Variants in DNASE1 observed in about 807,000 individuals in gnomAD.
The protein encoded by DNASE1 is deoxyribonuclease-1.
In DNASE1, 40 loss-of-function variants were observed where a neutral mutation model predicts 33.9. The observed-to-expected ratio is 1.18, with a 90% CI of 0.92 to 1.54. The LOEUF (loss-of-function observed/expected upper bound fraction) is 1.54. Among genes scored for constraint, DNASE1 ranks in the 40% most tolerant of loss-of-function variants. The probability of loss-of-function intolerance (pLI) is 0.00; values close to 1 mark genes in which losing one functional copy is unlikely to be tolerated. For missense variants in DNASE1, 518 were observed against 372.6 expected (o/e 1.39, Z -3.21); for synonymous variants, 216 against 160.0 (o/e 1.35, Z -2.64).
At chr16:3,663,297 G>C (rs2050731082) in exon 10 of DNASE1, 1 of 1,276,396 alleles carries the variant, frequency 7.8e-7, no homozygotes, top group African/African-American at 1.5e-5. Flanking sequence ...CTCCCACAAG[G>C]CTCTTCTCGG....
chr16:3,626,541 G>A (rs1343391192), intron 1 of DNASE1, among the ~76,000 whole-genome samples: 1 of 152,078 alleles, frequency 6.6e-6, no homozygotes, highest in Non-Finnish European at 1.5e-5. Flanking sequence ...GACTTTTATG[G>A]CTTAGAATAT....
chr16:3,650,613 A>AAAAGAAG (rs2042303831), upstream of DNASE1: 1 of 149,216 alleles, frequency 6.7e-6, no homozygotes, highest in Non-Finnish European at 1.5e-5. Context: ...CAAAAAAAAA[A>AAAAGAAG]AAAAAAAGAA....
intron 1 of DNASE1, among the ~76,000 whole-genome samples, chr16:3,628,076 G>A (rs531482393): frequency 1.2e-3 from 185 of 151,970 alleles, no homozygotes; most frequent in Middle Eastern, 6.8e-3. Flanking sequence ...ACCCATGAAA[G>A]TGTGATGTTT....
intron 1 of DNASE1, among the ~76,000 whole-genome samples, chr16:3,643,485 C>T (rs1210436060): frequency 6.6e-6 from 1 of 152,216 alleles, no homozygotes; most frequent in Non-Finnish European, 1.5e-5. Context: ...CCAAAGACTG[C>T]AGAGGAGCTT....
chr16:3,625,358 C>T (rs1243532876), intron 1 of DNASE1, among the ~76,000 whole-genome samples: 3 of 151,460 alleles, frequency 2.0e-5, no homozygotes, highest in African/African-American at 7.3e-5. Context: ...ATGTTATATT[C>T]TTGTAGTCTC....
chr16:3,660,341 A>T (rs1012780302), downstream of DNASE1: 2 of 152,254 alleles, frequency 1.3e-5, no homozygotes, highest in African/African-American at 4.8e-5. Flanking sequence ...TTTAAAACAA[A>T]TGAAAGTGAA....
chr16:3,621,400 A>G (rs576853440), intron 1 of DNASE1, among the ~76,000 whole-genome samples: 15 of 152,324 alleles, frequency 9.8e-5, no homozygotes, highest in African/African-American at 3.6e-4. Flanking sequence ...GTTTTAGAAA[A>G]GAATACCTGT....
downstream of DNASE1, chr16:3,662,265 G>A (rs374186940): frequency 1.3e-4 from 142 of 1,074,404 alleles, no homozygotes; most frequent in Non-Finnish European, 1.6e-4. Context: ...CTGGACCAGC[G>A]CTGCTCCCTC....
Position 3,622,739 on chromosome 16 carries a change from A to G in DNASE1, c.-1359+10733A>G, listed in dbSNP as rs562562031. Among the ~76,000 whole-genome samples the G allele has an allele frequency of 1.7e-3, 262 of 152,260 alleles. 2 individuals are homozygous for G. Among genetic ancestry groups the G allele is most frequent in the African/African-American group, 6.1e-3 (252 of 41,532 alleles). On this transcript the variant is annotated intron_variant and NMD_transcript_variant, in intron 1 of 11. Coordinates refer to the DNASE1 transcript ENST00000570769. ...GTAGCTGGGACTACACCTATGTGCT[A>G]CTGTACCTGGCTTGGCTTTGACTTT...
At chr16:3,637,574 A>C (rs887616965) in intron 1 of DNASE1, among the ~76,000 whole-genome samples, 1 of 152,160 alleles carries the variant, frequency 6.6e-6, no homozygotes, top group Admixed American at 6.5e-5. Context: ...AGTTGGGTCA[A>C]CCTTTCCCTT....
chr16:3,614,671 G>C (rs1345569142), intron 1 of DNASE1, among the ~76,000 whole-genome samples: 5 of 152,202 alleles, frequency 3.3e-5, no homozygotes, highest in African/African-American at 1.2e-4. Context: ...TGACTTGCCT[G>C]TGAGAGGCAT....
intron 1 of DNASE1, among the ~76,000 whole-genome samples, chr16:3,620,221 A>G (rs548158441): frequency 6.6e-6 from 1 of 152,290 alleles, no homozygotes; most frequent in South Asian, 2.1e-4. Flanking sequence ...AGGCCTGTGT[A>G]TGGCTTTTCT....
At position 3,657,097 on chromosome 16, in the gene DNASE1, A is replaced by C. The variant is rs1567212081; in HGVS notation, c.535A>C (p.Lys179Gln). ...TGACGTCTACCTGGATGTCCAAGAGAAATGGGGCTTGGAGGTGAGGCCCTC... is the reference window on the plus strand; with the variant it reads ...TGACGTCTACCTGGATGTCCAAGAGCAATGGGGCTTGGAGGTGAGGCCCTC... ...LYDVYLDVQEKWGLEDVMLMG... is the reference protein window; with the variant it reads ...LYDVYLDVQEQWGLEDVMLMG... Residue 179 changes from lysine (K) to glutamine (Q), a missense_variant, in exon 6 of 9, where the codon AAA becomes CAA. By Grantham distance (53) the Lys-to-Gln change is moderately conservative. Coordinates refer to ENST00000246949, the MANE Select transcript of DNASE1 (RefSeq NM_005223.4). 3 of 1,613,940 alleles carry C rather than the reference A, an allele frequency of 1.9e-6. No individual in the cohort carries two copies. The South Asian group carries it at 3.3e-5, about 18-fold the overall frequency.
intron 1 of DNASE1, among the ~76,000 whole-genome samples, chr16:3,618,275 G>A (rs1229316551): frequency 6.6e-6 from 1 of 151,734 alleles, no homozygotes; most frequent in Non-Finnish European, 1.5e-5. Flanking sequence ...AAAAGTATTG[G>A]TGAGGATGTA....
At position 3,657,290 on chromosome 16, in the gene DNASE1, T is replaced by TC; in HGVS notation, c.657dup (p.Asp220ArgfsTer4). The TC allele has an allele frequency of 2.5e-6, 4 of 1,613,882 alleles. No individual in the cohort carries two copies. Among genetic ancestry groups the TC allele is most frequent in the Non-Finnish European group, 3.4e-6 (4 of 1,179,998 alleles). ...ACAAGCCCCACCTTCCAGTGGCTGA[T>TC]CCCCGACAGCGCTGACACCACAGCT... On this transcript the variant is annotated frameshift_variant, in exon 7 of 9. Coordinates refer to ENST00000246949, the MANE Select transcript of DNASE1 (RefSeq NM_005223.4). LOFTEE classifies it high-confidence loss of function.
intron 1 of DNASE1, among the ~76,000 whole-genome samples, chr16:3,627,142 A>G (rs948159738): frequency 6.6e-6 from 1 of 151,714 alleles, no homozygotes; most frequent in African/African-American, 2.4e-5. Context: ...AAGTGCTGAG[A>G]CTACAGGCGT....
downstream of DNASE1, chr16:3,658,598 G>A (rs535888326): frequency 2.0e-5 from 12 of 597,622 alleles, no homozygotes; most frequent in African/African-American, 5.6e-5. Context: ...GCTTGAACCC[G>A]GGAGGCAGAG....
Position 3,655,870 on chromosome 16 carries a change from G to A in DNASE1, c.169G>A (p.Ala57Thr), listed in dbSNP as rs755666660. Reference sequence around the variant, plus strand: ...CCAGATCCTGAGCCGCTATGACATCGCCCTGGTCCAGGAGGTCAGAGACAG... The same window carrying A: ...CCAGATCCTGAGCCGCTATGACATCACCCTGGTCCAGGAGGTCAGAGACAG... ...IVQILSRYDIALVQEVRDSHL... is the reference protein window; with the variant it reads ...IVQILSRYDITLVQEVRDSHL... The change falls in exon 3 of 9, where the codon GCC becomes ACC. Residue 57 changes from alanine to threonine, a missense_variant. Coordinates refer to ENST00000246949, the MANE Select transcript of DNASE1 (RefSeq NM_005223.4). The A allele has an allele frequency of 1.1e-5, 17 of 1,613,514 alleles. No homozygotes were observed. The highest frequency in any genetic ancestry group is 5.5e-5 in the South Asian group (5 of 91,086).
chr16:3,641,024 G>A (rs145093786), upstream of DNASE1: 4 of 398,520 alleles, frequency 1.0e-5, no homozygotes, highest in African/African-American at 6.2e-5. Context: ...CTGGATTTGG[G>A]TGGATCAGCA....
Sources: allele counts gnomAD v4.1 joint callset (sites outside exome capture counted in the v4.1 genomes callset), GRCh38; gene constraint gnomAD v4.1.1; transcripts MANE v1.5; gene names NCBI Gene and HGNC (gene_info 2026-07-23, HGNC 2026-07-21).